The following MAGI2 variants were observed in gnomAD, a reference collection of about 807,000 sequenced individuals.
MAGI2 encodes membrane associated guanylate kinase, WW and PDZ domain containing 2, also known as membrane-associated guanylate kinase, WW and PDZ domain-containing protein 2.
In MAGI2, 35 loss-of-function variants were observed where a neutral mutation model predicts 133.3. The ratio of observed to expected loss-of-function variants is 0.26; its 90% CI spans 0.20 to 0.35. MAGI2 has a LOEUF of 0.35. Among genes scored for constraint, MAGI2 ranks in the 10% least tolerant of loss-of-function variants. The pLI is 1.00. For synonymous variants in MAGI2, 729 were observed against 710.6 expected, an observed-to-expected ratio of 1.03 and a Z score of -0.41; for missense variants, 1,636 against 1,863.4, an observed-to-expected ratio of 0.88 and a Z score of 2.25.
chr7:78,869,320 T>C (rs1443472449), intron 2 of MAGI2, among the ~76,000 whole-genome samples: 2 of 152,224 alleles, frequency 1.3e-5, no homozygotes, highest in Admixed American at 1.3e-4. Context: ...TAGAAGAGTT[T>C]TATTAATGTT....
intron 1 of MAGI2, among the ~76,000 whole-genome samples, chr7:79,078,577 A>G (rs917154975): frequency 6.6e-6 from 1 of 152,232 alleles, no homozygotes; most frequent in Admixed American, 6.5e-5. Flanking sequence ...AGGTTGTTGT[A>G]TAAAAATAAC....
chr7:78,431,910 T>C (rs972034660), intron 6 of MAGI2, among the ~76,000 whole-genome samples: 1 of 152,094 alleles, frequency 6.6e-6, no homozygotes, highest in African/African-American at 2.4e-5. Flanking sequence ...AGTTTTGGCA[T>C]CATGTAGATA....
At chr7:79,293,438 C>T (rs1255571353) in intron 1 of MAGI2, among the ~76,000 whole-genome samples, 1 of 152,116 alleles carries the variant, frequency 6.6e-6, no homozygotes, top group Non-Finnish European at 1.5e-5. Context: ...TTGAACAATG[C>T]TTCACACAGT....
intron 3 of MAGI2, among the ~76,000 whole-genome samples, chr7:78,563,986 AT>A (rs896348065): frequency 1.3e-5 from 2 of 152,020 alleles, no homozygotes; most frequent in Non-Finnish European, 2.9e-5. Context: ...TTGAATAGGT[AT>A]TTTTTTTAAG....
intron 3 of MAGI2, among the ~76,000 whole-genome samples, chr7:78,613,811 G>A (rs1340553266): frequency 2.0e-5 from 3 of 152,012 alleles, no homozygotes; most frequent in Non-Finnish European, 2.9e-5. Context: ...TTGCCTCTAA[G>A]ACGAATATAT....
intron 10 of MAGI2, among the ~76,000 whole-genome samples, chr7:78,210,252 C>G (rs986471428): frequency 2.6e-5 from 4 of 152,200 alleles, no homozygotes; most frequent in African/African-American, 7.2e-5. Flanking sequence ...ACCTGACACA[C>G]AGTGGATACT....
At chr7:78,182,430 G>A (rs1013378947) in intron 13 of MAGI2, among the ~76,000 whole-genome samples, 12 of 152,132 alleles carry the variant, frequency 7.9e-5, no homozygotes, top group East Asian at 3.9e-4. Flanking sequence ...GACCAAGCAC[G>A]TGTTAGCCAT....
intron 2 of MAGI2, among the ~76,000 whole-genome samples, chr7:78,895,427 T>C (rs913667348): frequency 6.6e-6 from 1 of 152,174 alleles, no homozygotes; most frequent in Non-Finnish European, 1.5e-5. Flanking sequence ...ATTTTTTCTT[T>C]TCAGCAAACA....
intron 1 of MAGI2, among the ~76,000 whole-genome samples, chr7:79,134,204 A>C (rs1461457871): frequency 6.6e-6 from 1 of 152,194 alleles, no homozygotes; most frequent in Admixed American, 6.5e-5. Context: ...TTTATCTTGA[A>C]TCTAATTACA....
At chr7:78,890,189 T>A (rs1165848071) in intron 2 of MAGI2, among the ~76,000 whole-genome samples, 4 of 152,166 alleles carry the variant, frequency 2.6e-5, no homozygotes, top group Non-Finnish European at 5.9e-5. Context: ...ATCCTAAATA[T>A]ATTGGCACCC....
At chr7:79,210,918 G>A (rs1440190816) in intron 1 of MAGI2, among the ~76,000 whole-genome samples, 3 of 151,924 alleles carry the variant, frequency 2.0e-5, no homozygotes, top group Non-Finnish European at 4.4e-5. Context: ...CATGCCATGA[G>A]TTTGTTTGGG....
chr7:79,161,827 G>A (rs750363694), intron 1 of MAGI2, among the ~76,000 whole-genome samples: 10 of 152,032 alleles, frequency 6.6e-5, no homozygotes, highest in Non-Finnish European at 8.8e-5. Context: ...AGTTGTTTGC[G>A]TAAGTTCGAT....
At chr7:78,885,444 A>G (rs943686592) in intron 2 of MAGI2, among the ~76,000 whole-genome samples, 7 of 152,336 alleles carry the variant, frequency 4.6e-5, no homozygotes, top group Admixed American at 3.9e-4. Context: ...TGTGTCTTAC[A>G]CTATCCTGAG....
At chr7:79,284,209 C>T (rs10270764) in intron 1 of MAGI2, among the ~76,000 whole-genome samples, 93,399 of 151,900 alleles carry the variant, frequency 0.61, 30,092 homozygotes, top group Non-Finnish European at 0.7. Context: ...ATAGGGTCAG[C>T]CATAGGGTAA....
chr7:79,098,595 A>T (rs1817710250), intron 1 of MAGI2, among the ~76,000 whole-genome samples: 1 of 152,364 alleles, frequency 6.6e-6, no homozygotes, highest in South Asian at 2.1e-4. Flanking sequence ...CTACTTAAAT[A>T]GACCTTTACT....
At chr7:79,427,292 A>T (rs1264218171) in intron 1 of MAGI2, among the ~76,000 whole-genome samples, 1 of 152,204 alleles carries the variant, frequency 6.6e-6, no homozygotes, top group African/African-American at 2.4e-5. Flanking sequence ...ATGGGTTGAT[A>T]GGTGCAGCAA....
intron 2 of MAGI2, among the ~76,000 whole-genome samples, chr7:78,944,403 C>G (rs1303850614): frequency 6.6e-6 from 1 of 152,094 alleles, no homozygotes; most frequent in Non-Finnish European, 1.5e-5. Context: ...TAGACATAAG[C>G]TCACAGAAGG....
chr7:78,408,801 T>C (rs1797615326), intron 6 of MAGI2, among the ~76,000 whole-genome samples: 1 of 152,164 alleles, frequency 6.6e-6, no homozygotes, highest in South Asian at 2.1e-4. Flanking sequence ...TGAAATGAGT[T>C]AAATTAGATG....
intron 1 of MAGI2, among the ~76,000 whole-genome samples, chr7:79,363,297 C>G (rs1842477824): frequency 6.7e-6 from 1 of 149,028 alleles, no homozygotes; most frequent in African/African-American, 2.4e-5. Flanking sequence ...AAATGCTGAT[C>G]TTCCAATACA....
Sources: gnomAD v4.1 joint callset for allele counts (sites outside exome capture counted in the v4.1 genomes callset) on GRCh38, gnomAD v4.1.1 for gene constraint, MANE v1.5 for transcripts, NCBI Gene and HGNC (gene_info 2026-07-23, HGNC 2026-07-21) for gene names.